Variants in VTI1A observed in about 807,000 individuals in gnomAD.
The protein encoded by VTI1A is vesicle transport through interaction with t-SNAREs 1A.
VTI1A carries 22 observed loss-of-function variants against 34.9 expected under a neutral mutation model. That is an observed-to-expected ratio of 0.63 (90% CI 0.45 to 0.90). VTI1A has a LOEUF of 0.90. Ranked by LOEUF, VTI1A falls within the 40% of genes least tolerant of loss-of-function variation. The pLI is 0.00. For missense variants in VTI1A, 268 were observed against 275.6 expected (o/e 0.97, Z 0.20); for synonymous variants, 87 against 97.3 (o/e 0.89, Z 0.62).
intron 7 of VTI1A, among the ~76,000 whole-genome samples, chr10:112,811,842 T>C (rs947768280): frequency 3.9e-4 from 60 of 152,222 alleles, no homozygotes; most frequent in African/African-American, 1.3e-3. Flanking sequence ...GCCGCGCCTG[T>C]CCCCTGCACT....
chr10:112,699,137 TCTTA>T (rs1848901331), intron 7 of VTI1A, among the ~76,000 whole-genome samples: 1 of 152,278 alleles, frequency 6.6e-6, no homozygotes, highest in Non-Finnish European at 1.5e-5. Flanking sequence ...TTCTCTTTCA[TCTTA>T]CTTGGTAATT....
chr10:112,693,826 C>T (rs1848690435), intron 7 of VTI1A, among the ~76,000 whole-genome samples: 1 of 152,206 alleles, frequency 6.6e-6, no homozygotes, highest in Non-Finnish European at 1.5e-5. Flanking sequence ...AGAGCCTGTA[C>T]ACATTCAGAG....
intron 1 of VTI1A, chr10:112,448,912 C>T (rs894388622): frequency 1.3e-5 from 2 of 152,192 alleles, no homozygotes; most frequent in African/African-American, 4.8e-5. Context: ...GATCTCTGAA[C>T]TTATACCCCA....
chr10:112,800,280 G>A (rs141422330), intron 7 of VTI1A, among the ~76,000 whole-genome samples: 15 of 152,320 alleles, frequency 9.8e-5, no homozygotes, highest in African/African-American at 3.1e-4. Flanking sequence ...GATTCCAGGC[G>A]AGTAGCTCAG....
intron 5 of VTI1A, among the ~76,000 whole-genome samples, chr10:112,584,143 A>G (rs1844061288): frequency 6.6e-6 from 1 of 152,216 alleles, no homozygotes; most frequent in Non-Finnish European, 1.5e-5. Context: ...CAGAAGGGAT[A>G]TAGATTTATG....
intron 7 of VTI1A, among the ~76,000 whole-genome samples, chr10:112,703,547 CAA>C (rs963018206): frequency 2.0e-5 from 3 of 151,464 alleles, no homozygotes; most frequent in African/African-American, 7.3e-5. Context: ...GCCTGGGCAA[CAA>C]GAGCAAAACT....
chr10:112,618,438 A>G (rs1406344250), intron 5 of VTI1A, among the ~76,000 whole-genome samples: 4 of 146,552 alleles, frequency 2.7e-5, no homozygotes, highest in African/African-American at 1.0e-4. Flanking sequence ...CCAGCATTCC[A>G]AGATCTTAGA....
At chr10:112,710,720 A>G (rs928617213) in intron 7 of VTI1A, among the ~76,000 whole-genome samples, 7 of 152,082 alleles carry the variant, frequency 4.6e-5, no homozygotes, top group Admixed American at 1.3e-4. Flanking sequence ...TAAGTTACCT[A>G]GGAGAGTCTT....
chr10:112,825,603 G>A, the VTI1A span: 1 of 152,336 alleles, frequency 6.6e-6, no homozygotes, highest in Non-Finnish European at 1.5e-5. Flanking sequence ...TGTGGGCCCA[G>A]CAGCTCACAG....
intron 7 of VTI1A, among the ~76,000 whole-genome samples, chr10:112,698,722 T>A (rs1245262523): frequency 6.6e-6 from 1 of 152,254 alleles, no homozygotes; most frequent in African/African-American, 2.4e-5. Flanking sequence ...CTTTATGCCC[T>A]TTGTTCACAT....
chr10:112,575,181 A>G (rs1852285327), intron 5 of VTI1A, among the ~76,000 whole-genome samples: 1 of 152,224 alleles, frequency 6.6e-6, no homozygotes, highest in Non-Finnish European at 1.5e-5. Context: ...ATAAATAGCT[A>G]TGAAATGAAT....
At chr10:112,613,838 G>T (rs953184154) in intron 5 of VTI1A, among the ~76,000 whole-genome samples, 2 of 152,216 alleles carry the variant, frequency 1.3e-5, no homozygotes, top group Non-Finnish European at 2.9e-5. Flanking sequence ...AGCAGCTTCA[G>T]TCGGAGCTTG....
chr10:112,608,326 G>T (rs148413147), intron 5 of VTI1A, among the ~76,000 whole-genome samples: 10 of 152,274 alleles, frequency 6.6e-5, no homozygotes, highest in Admixed American at 1.3e-4. Context: ...TTAAAACAGT[G>T]TATGCCTGAT....
intron 7 of VTI1A, among the ~76,000 whole-genome samples, chr10:112,725,155 T>A (rs189596726): frequency 9.8e-5 from 15 of 152,368 alleles, no homozygotes; most frequent in Admixed American, 5.2e-4. Context: ...AAACACAGTA[T>A]ATCTATTGCA....
At chr10:112,736,636 A>T (rs1850484987) in intron 7 of VTI1A, 1 of 1,525,482 alleles carries the variant, frequency 6.6e-7, no homozygotes, top group Non-Finnish European at 8.9e-7. Flanking sequence ...TAAATGCCAA[A>T]ATTGGAAACA....
At chr10:112,558,745 A>G (rs1010517004) in intron 5 of VTI1A, among the ~76,000 whole-genome samples, 1 of 152,240 alleles carries the variant, frequency 6.6e-6, no homozygotes, top group African/African-American at 2.4e-5. Flanking sequence ...ATTGAGAGAC[A>G]CACACTCTCT....
intron 5 of VTI1A, among the ~76,000 whole-genome samples, chr10:112,558,050 G>A (rs1414473926): frequency 6.6e-6 from 1 of 152,176 alleles, no homozygotes; most frequent in Non-Finnish European, 1.5e-5. Flanking sequence ...TGTGTCTGTA[G>A]CCACCCACCC....
chr10:112,626,616 C>T (rs1327145126), intron 5 of VTI1A, among the ~76,000 whole-genome samples: 1 of 151,732 alleles, frequency 6.6e-6, no homozygotes, highest in South Asian at 2.1e-4. Context: ...AAATACAGAC[C>T]AGAAGTGATC....
intron 7 of VTI1A, among the ~76,000 whole-genome samples, chr10:112,784,320 T>C (rs1184798744): frequency 1.3e-5 from 2 of 152,208 alleles, no homozygotes; most frequent in Non-Finnish European, 2.9e-5. Context: ...AAACCTATTA[T>C]GCACTAATAT....
Sources: allele counts gnomAD v4.1 joint callset (sites outside exome capture counted in the v4.1 genomes callset), GRCh38; gene constraint gnomAD v4.1.1; transcripts MANE v1.5; gene names NCBI Gene and HGNC (gene_info 2026-07-23, HGNC 2026-07-21).